The following HNRNPL variants were observed in gnomAD, a reference collection of about 807,000 sequenced individuals.
HNRNPL encodes heterogeneous nuclear ribonucleoprotein L, also known as epididymis secretory sperm binding protein.
HNRNPL carries 12 observed loss-of-function variants against 64.0 expected under a neutral mutation model. The ratio of observed to expected loss-of-function variants is 0.19; its 90% confidence interval spans 0.12 to 0.30. HNRNPL has a LOEUF of 0.30. Ranked by LOEUF, HNRNPL falls within the 10% of genes least tolerant of loss-of-function variation. The probability of loss-of-function intolerance (pLI) is 1.00; values close to 1 mark genes in which losing one functional copy is unlikely to be tolerated. For synonymous variants in HNRNPL, 385 were observed against 313.0 expected (o/e 1.23, Z -2.43); for missense variants, 484 against 797.4 (o/e 0.61, Z 4.73).
In HNRNPL at chr19:38,837,277, G is replaced by A. The variant is rs182779939; in HGVS notation, c.1711+107C>T. The A allele has an allele frequency of 4.7e-4, 393 of 843,340 alleles. 1 individual carries two copies. In the Middle Eastern group the frequency reaches 7.6e-3, roughly 16 times the overall value. 52.2% of individuals were successfully genotyped at this position (843,340 alleles called of 1,614,324 possible). On this transcript the variant is annotated intron_variant, in intron 12 of 12. Coordinates refer to ENST00000221419, the MANE Select transcript of HNRNPL (RefSeq NM_001533.3). ...CACCTGCCTGTGTCACCAACAGTGC[G>A]AAGATCCCGGGGTCCTATCTCAAGG...
chr19:38,847,238 C>A, intron 2 of HNRNPL, 78 bp downstream of exon 2: 1 of 662,578 alleles, frequency 1.5e-6, no homozygotes, highest in South Asian at 3.5e-5. Context: ...TCACTATTTC[C>A]AACCAGAAAT....
At chr19:38,844,888 T>C (rs1467545592) in intron 4 of HNRNPL, 1 of 152,118 alleles carries the variant, frequency 6.6e-6, no homozygotes, top group Non-Finnish European at 1.5e-5. Flanking sequence ...TTTTTTGTAT[T>C]ATTAGCGACA....
At chr19:38,847,514 C>T in intron 1 of HNRNPL, 80 bp from the exon 2 acceptor site, 1 of 753,798 alleles carries the variant, frequency 1.3e-6, no homozygotes. Flanking sequence ...TGTTGTAGAC[C>T]CAGTCAGATA....
chr19:38,839,051 A>G (rs756370705), intron 8 of HNRNPL, 36 bp from the exon 9 acceptor site: 1 of 1,610,220 alleles, frequency 6.2e-7, no homozygotes, highest in Non-Finnish European at 8.5e-7. Flanking sequence ...ACCTCTGTCC[A>G]GCTGCCAGGG....
In HNRNPL at chr19:38,840,222, A is replaced by ATCCTGGGGGGGGGGGGGG; in HGVS notation, c.1106_1107insCCCCCCCCCCCCCCAGGA (p.Pro373_Glu374insGlnAspProProProPro). 3.6e-5 allele frequency: 2 copies of ATCCTGGGGGGGGGGGGGG among 55,182 alleles called. No homozygotes were observed. The highest frequency in any genetic ancestry group is 6.7e-5 in the Non-Finnish European group (2 of 30,030). The allele number at this position is 55,182 out of a possible 1,614,324, so 3.4% of individuals were successfully genotyped here. ...GAGGGCCATACTCGGGTGGTGGGGG[A>ATCCTGGGGGGGGGGGGGG]GGGGGTGGGGGGTGCCCATACTGGG... On this transcript the variant is annotated inframe_insertion, in exon 8 of 13. Coordinates refer to ENST00000221419, the MANE Select transcript of HNRNPL (RefSeq NM_001533.3).
chr19:38,843,837 A>G lies in HNRNPL; in HGVS notation c.880+5T>C. The G allele has an allele frequency of 6.2e-7, 1 of 1,612,574 alleles. No homozygotes were observed. Among genetic ancestry groups the G allele is most frequent in the African/African-American group, 1.3e-5 (1 of 75,020 alleles). ...TGTTTAGAACAAAGTGGTCGTCAAG[A>G]TTACCTTGTCCACTGAGATTGGGGT... is the stretch of plus-strand genomic sequence containing the variant. On this transcript the variant is annotated splice_donor_5th_base_variant and intron_variant, in intron 6 of 12. Coordinates refer to ENST00000221419, the MANE Select transcript of HNRNPL (RefSeq NM_001533.3).
At position 38,849,851 on chromosome 19, in the gene HNRNPL, C is replaced by CCCG. The variant is rs765370282; in HGVS notation, c.113_115dup (p.Ala38dup). ...GTAGCGGCCACCGCCGCCTCCGCCG[C>CCCG]CCGCCGCCGCCATCTTCACCATCGC... On this transcript the variant is annotated inframe_insertion, in exon 1 of 13. Coordinates refer to ENST00000221419, the MANE Select transcript of HNRNPL (RefSeq NM_001533.3). 1.7e-6 allele frequency: 2 copies of CCCG among 1,207,066 alleles called. No individual in the cohort carries two copies. The highest frequency in any genetic ancestry group is 2.8e-5 in the East Asian group (1 of 35,784). The allele number at this position is 1,207,066 out of a possible 1,614,324, so 74.8% of individuals were successfully genotyped here. A position where few individuals can be genotyped will look rare whatever the true frequency, so the allele number is the denominator to read the frequency against.
At chr19:38,845,496 GCCTCCCTA>G (rs1387989721) in intron 4 of HNRNPL, 146 bp downstream of exon 4, 1 of 659,166 alleles carries the variant, frequency 1.5e-6, no homozygotes. Flanking sequence ...TCCTTTAACT[GCCTCCCTA>G]CTCAGTCACT....
In HNRNPL at chr19:38,845,978, G is replaced by A; in HGVS notation, c.499C>T (p.His167Tyr). The A allele has an allele frequency of 1.2e-6, 2 of 1,614,072 alleles. No individual in the cohort carries two copies. Among genetic ancestry groups the A allele is most frequent in the East Asian group, 2.2e-5 (1 of 44,886 alleles). ...AADNQIYIAGHPAFVNYSTSQ... is the reference protein window; with the variant it reads ...AADNQIYIAGYPAFVNYSTSQ... ...GTAGAGTAGTTGACAAAAGCTGGGT[G>A]ACCAGCAATGTATATTTGGTTGTCG... is the stretch of plus-strand genomic sequence containing the variant. The change falls in exon 3 of 13, where the codon CAC becomes TAC. Residue 167 changes from histidine to tyrosine, a missense_variant. By Grantham distance (83) the His-to-Tyr change is moderately conservative. Coordinates refer to ENST00000221419, the MANE Select transcript of HNRNPL (RefSeq NM_001533.3).
At chr19:38,848,192 G>C (rs2145436182) in intron 1 of HNRNPL, among the ~76,000 whole-genome samples, 1 of 152,336 alleles carries the variant, frequency 6.6e-6, no homozygotes, top group South Asian at 2.1e-4. Context: ...CCAGGTTCAA[G>C]CGATTCTCCT....
intron 4 of HNRNPL, 177 bp downstream of exon 4, chr19:38,845,473 A>C (rs1972262472): frequency 1.5e-5 from 9 of 616,744 alleles, no homozygotes; most frequent in Non-Finnish European, 2.3e-5. Context: ...GCACGTCCAC[A>C]CGATATGCCT....
chr19:38,840,990 T>C (rs2145416318), intron 6 of HNRNPL: 1 of 196,204 alleles, frequency 5.1e-6, no homozygotes, highest in Non-Finnish European at 1.0e-5. Context: ...AGCAAGCAAG[T>C]TTGACCCCCA....
At chr19:38,851,420 C>T (rs1357970429), upstream of HNRNPL, among the ~76,000 whole-genome samples, 2 of 152,160 alleles carry the variant, frequency 1.3e-5, no homozygotes, top group Non-Finnish European at 2.9e-5. Flanking sequence ...TGGGGCTGCC[C>T]GCGCAGGGTG....
intron 6 of HNRNPL, chr19:38,841,679 G>A (rs1972122215): frequency 2.4e-6 from 3 of 1,272,976 alleles, no homozygotes; most frequent in Non-Finnish European, 3.1e-6. Context: ...CATACACTGC[G>A]ACCCTGCATC....
At chr19:38,840,414 G>C in intron 7 of HNRNPL, 38 bp from the exon 8 acceptor site, 1 of 1,567,794 alleles carries the variant, frequency 6.4e-7, no homozygotes, top group South Asian at 1.2e-5. Context: ...GGACGGGTGA[G>C]AATTTGCACG....
At chr19:38,849,235 A>C (rs1972411043) in intron 1 of HNRNPL, 2 of 167,548 alleles carry the variant, frequency 1.2e-5, no homozygotes, top group South Asian at 1.9e-4. Context: ...GCTGGGCCTT[A>C]GAGATTAAGC....
At chr19:38,838,622 C>T in intron 9 of HNRNPL, 24 bp from the exon 10 acceptor site, 6 of 1,605,320 alleles carry the variant, frequency 3.7e-6, no homozygotes, top group African/African-American at 1.3e-5. Context: ...GAAAGGGGAG[C>T]CTTTGTCATA....
Position 38,838,607 on chromosome 19 carries a change from A to C in HNRNPL, c.1356-9T>G, listed in dbSNP as rs763944445. On this transcript the variant is annotated splice_polypyrimidine_tract_variant and intron_variant, in intron 9 of 12. Transcript: ENST00000221419. ...CTGGCTGCTTGGAGACACTGCAGCA[A>C]GGAAGAAAGGGGAGCCTTTGTCATA... The C allele has an allele frequency of 6.2e-7, 1 of 1,612,534 alleles. No homozygotes were observed. Among genetic ancestry groups the C allele is most frequent in the South Asian group, 1.1e-5 (1 of 90,972 alleles).
In HNRNPL at chr19:38,840,475, C is replaced by G; in HGVS notation, c.952+13G>C. The stretch of plus-strand genomic sequence containing the variant: ...GCCACGGGAGTCCACGGAGGGGAAC[C>G]CCCTGCCCTCACCATATTCTGCGGG... On this transcript the variant is annotated intron_variant, in intron 7 of 12. Coordinates refer to ENST00000221419, the MANE Select transcript of HNRNPL (RefSeq NM_001533.3). 6.3e-7 allele frequency: 1 copy of G among 1,587,188 alleles called. No homozygotes were observed. The highest frequency in any genetic ancestry group is 8.6e-7 in the Non-Finnish European group (1 of 1,168,098).
Sources: gnomAD v4.1 joint callset for allele counts (sites outside exome capture counted in the v4.1 genomes callset) on GRCh38, gnomAD v4.1.1 for gene constraint, MANE v1.5 for transcripts, NCBI Gene and HGNC (gene_info 2026-07-23, HGNC 2026-07-21) for gene names.